Variants in PLCE1 observed in about 807,000 individuals in gnomAD.
The protein encoded by PLCE1 is 1-phosphatidylinositol 4,5-bisphosphate phosphodiesterase epsilon-1.
A neutral mutation model predicts 242.8 loss-of-function variants in PLCE1; 119 were observed. The ratio of observed to expected loss-of-function variants is 0.49; its 90% CI spans 0.42 to 0.57. The LOEUF (loss-of-function observed/expected upper bound fraction) is 0.57, where lower values mean the gene tolerates loss of function less well. Among genes scored for constraint, PLCE1 ranks in the 20% least tolerant of loss-of-function variants. The pLI is 0.00. For missense variants in PLCE1, 2,441 were observed against 2,788.8 expected (o/e 0.88, Z 2.81); for synonymous variants, 945 against 1,017.4 (o/e 0.93, Z 1.35).
Position 94,029,247 on chromosome 10 carries a change from A to G in PLCE1, c.-364-1436A>G, listed in dbSNP as rs111230409. The stretch of plus-strand genomic sequence containing the variant: ...GTAAGAAAGGACATATTAGCTGTCA[A>G]TCTGAAGGCTTTGGCCTGAAAAATC... On this transcript the variant is annotated intron_variant, in intron 1 of 32. Coordinates refer to ENST00000371380, the MANE Select transcript of PLCE1 (RefSeq NM_016341.4). Among the ~76,000 whole-genome samples, 995 of 152,304 alleles carry G rather than the reference A, an allele frequency of 6.5e-3. 14 individuals carry two copies. The highest frequency in any genetic ancestry group is 0.023 in the African/African-American group (952 of 41,574).
chr10:94,269,588 A>G lies in PLCE1; in HGVS notation c.4389+552A>G, dbSNP rs577748169. 4.6e-5 allele frequency among the ~76,000 whole-genome samples: 7 copies of G among 152,290 alleles called. No individual in the cohort carries two copies. In the South Asian group the frequency reaches 1.2e-3, roughly 27 times the overall value. On this transcript the variant is annotated intron_variant, in intron 17 of 32. Transcript: ENST00000371380. ...CCCCATTCAACCCAAGTTAGTAACCATTACCTTACATTAGTTAGCATGTAA... is the reference window on the plus strand; with the variant it reads ...CCCCATTCAACCCAAGTTAGTAACCGTTACCTTACATTAGTTAGCATGTAA...
intron 3 of PLCE1, among the ~76,000 whole-genome samples, chr10:94,167,764 T>C (rs1320213292): frequency 6.7e-6 from 1 of 149,056 alleles, no homozygotes; most frequent in East Asian, 2.0e-4. Context: ...GTCCTTGCGA[T>C]AGTTTGCTGA....
At chr10:94,137,230 T>G (rs977443082) in intron 3 of PLCE1, among the ~76,000 whole-genome samples, 2 of 152,118 alleles carry the variant, frequency 1.3e-5, no homozygotes, top group Non-Finnish European at 2.9e-5. Flanking sequence ...CCCTGTGCCC[T>G]TTTCCCTCTC....
intron 4 of PLCE1, among the ~76,000 whole-genome samples, chr10:94,173,466 C>A (rs2048042951): frequency 6.6e-6 from 1 of 152,200 alleles, no homozygotes; most frequent in South Asian, 2.1e-4. Context: ...TAGTGGATTT[C>A]ACTGTATTTC....
rs1463346707 is a variant in PLCE1 at position 94,329,342 on chromosome 10, A to ATCTT, written c.*1401_*1404dup. ...CCCAAACTTTTATCTTTCCATTGGTATCTTTGAATTTTAAGACACTTTTCT... is the reference window on the plus strand; with the variant it reads ...CCCAAACTTTTATCTTTCCATTGGTATCTTTCTTTGAATTTTAAGACACTTTTCT... On this transcript the variant is annotated 3_prime_UTR_variant, in exon 33 of 33. Coordinates refer to ENST00000371380, the MANE Select transcript of PLCE1 (RefSeq NM_016341.4). The ATCTT allele has an allele frequency of 2.0e-5, 3 of 152,240 alleles. No individual in the cohort carries two copies. Among genetic ancestry groups the ATCTT allele is most frequent in the Non-Finnish European group, 4.4e-5 (3 of 68,040 alleles). The allele number at this position is 152,240 out of a possible 1,614,324, so 9.4% of individuals were successfully genotyped here.
At chr10:94,123,229 A>G (rs533874447) in intron 2 of PLCE1, among the ~76,000 whole-genome samples, 1 of 152,242 alleles carries the variant, frequency 6.6e-6, no homozygotes, top group South Asian at 2.1e-4. Context: ...TGTGGATTGG[A>G]AGAAGTTGTA....
chr10:94,238,917 G>C (rs542461740), intron 7 of PLCE1, among the ~76,000 whole-genome samples: 9 of 152,308 alleles, frequency 5.9e-5, no homozygotes, highest in Non-Finnish European at 5.9e-5. Context: ...TGCTTCAGCT[G>C]ATTAAGAACT....
rs1307039316 is a variant in PLCE1 at position 94,298,271 on chromosome 10, T to C, written c.5168-108T>C. On this transcript the variant is annotated intron_variant, in intron 23 of 32. Coordinates refer to ENST00000371380, the MANE Select transcript of PLCE1 (RefSeq NM_016341.4). This position sits in a 1 kb window ranked among gnomAD's most constrained non-coding sequence, Gnocchi z 5.2. ...AAGTAAAATCCAAGAGGTATTCTGA[T>C]GTGGTTTATATGCTATGACTGTTTA... The C allele has an allele frequency of 2.1e-6, 2 of 952,904 alleles. No homozygotes were observed. The highest frequency in any genetic ancestry group is 3.3e-6 in the Non-Finnish European group (2 of 602,814). The allele number at this position is 952,904 out of a possible 1,614,324, so 59.0% of individuals were successfully genotyped here.
chr10:93,997,632 CTTTTTTT>C (rs34338995), intron 1 of PLCE1, among the ~76,000 whole-genome samples: 34 of 79,876 alleles, frequency 4.3e-4, no homozygotes, highest in Non-Finnish European at 1.1e-4. Flanking sequence ...AATAACCATC[CTTTTTTT>C]TTTTTTTTTT....
intron 5 of PLCE1, among the ~76,000 whole-genome samples, chr10:94,229,754 G>A (rs1305489437): frequency 1.3e-5 from 2 of 152,164 alleles, no homozygotes; most frequent in Non-Finnish European, 2.9e-5. Context: ...TCTCAAACCA[G>A]GACAGACCTC....
Position 94,322,000 on chromosome 10 carries a change from C to A in PLCE1, c.6442C>A (p.Gln2148Lys). 1 of 1,613,964 alleles carries A rather than the reference C, an allele frequency of 6.2e-7. No homozygotes were observed. Among genetic ancestry groups the A allele is most frequent in the Non-Finnish European group, 8.5e-7 (1 of 1,179,876 alleles). Reference protein sequence around the residue: ...FVQVHDVSPEQPRTVIKAPRV... With the variant: ...FVQVHDVSPEKPRTVIKAPRV... ...CCAAGTGCATGATGTTTCTCCAGAG[C>A]AACCTCGAACAGTCATCAAAGCACC... Residue 2148 changes from glutamine to lysine, a missense_variant, in exon 30 of 33, where the codon CAA (glutamine) becomes AAA (lysine). Transcript: ENST00000371380.
At chr10:94,277,597 G>A (rs1331305130) in intron 19 of PLCE1, among the ~76,000 whole-genome samples, 1 of 152,082 alleles carries the variant, frequency 6.6e-6, no homozygotes, top group Non-Finnish European at 1.5e-5. Flanking sequence ...TGCCAGTGGG[G>A]TCTGTCCAGC....
chr10:94,259,581 C>A (rs754754395), intron 13 of PLCE1, among the ~76,000 whole-genome samples: 11 of 152,272 alleles, frequency 7.2e-5, no homozygotes, highest in Middle Eastern at 3.4e-3. Flanking sequence ...CCTCACCTGG[C>A]CAACACTTAG....
chr10:94,226,839 T>C (rs1286318404), intron 4 of PLCE1, among the ~76,000 whole-genome samples: 2 of 139,518 alleles, frequency 1.4e-5, no homozygotes, highest in East Asian at 4.1e-4. Flanking sequence ...GTCTTTTTTT[T>C]TTTTTTTTTT....
At chr10:94,124,264 G>A (rs2046378184) in intron 2 of PLCE1, among the ~76,000 whole-genome samples, 2 of 151,802 alleles carry the variant, frequency 1.3e-5, no homozygotes, top group Admixed American at 6.6e-5. Context: ...TGTAGTCCCA[G>A]CCACTCAGGA....
intron 3 of PLCE1, among the ~76,000 whole-genome samples, chr10:94,133,673 A>G (rs74151061): frequency 0.021 from 3,258 of 152,254 alleles, 101 homozygotes; most frequent in African/African-American, 0.074. Flanking sequence ...TTGGGTGCCA[A>G]GTTGGTTTGT....
At chr10:94,320,351 CTTTA>C (rs145503826) in intron 29 of PLCE1, among the ~76,000 whole-genome samples, 4,737 of 152,032 alleles carry the variant, frequency 0.031, 239 homozygotes, top group African/African-American at 0.1. Context: ...GATTATATAT[CTTTA>C]TTTATTTAAC....
At chr10:94,310,306 G>A (rs1267619145) in intron 27 of PLCE1, among the ~76,000 whole-genome samples, 3 of 151,986 alleles carry the variant, frequency 2.0e-5, no homozygotes, top group African/African-American at 7.3e-5. Flanking sequence ...TTTGACTCCC[G>A]CTGTCCCTGC....
intron 4 of PLCE1, among the ~76,000 whole-genome samples, chr10:94,197,920 T>C (rs1345849595): frequency 7.2e-6 from 1 of 139,424 alleles, no homozygotes; most frequent in African/African-American, 2.7e-5. Flanking sequence ...GAGGCGGAGG[T>C]TGCAGTGAGC....
Sources: allele counts gnomAD v4.1 joint callset (sites outside exome capture counted in the v4.1 genomes callset), GRCh38; gene constraint gnomAD v4.1.1; non-coding constraint Gnocchi (gnomAD v3.1); transcripts MANE v1.5; gene names NCBI Gene and HGNC (gene_info 2026-07-23, HGNC 2026-07-21).